Variants in UST observed in about 807,000 individuals in gnomAD.
UST encodes uronyl 2-sulfotransferase, also known as chondroitin sulfate 2-O-sulfotransferase.
A neutral mutation model predicts 45.6 loss-of-function variants in UST; 21 were observed. The ratio of observed to expected loss-of-function variants is 0.46; its 90% CI spans 0.33 to 0.66. The LOEUF is 0.66. Among genes scored for constraint, UST ranks in the 30% least tolerant of loss-of-function variants. UST has a pLI of 0.02. For missense variants in UST, 463 were observed against 512.4 expected, an observed-to-expected ratio of 0.90 and a Z score of 0.93; for synonymous variants, 215 against 200.6, an observed-to-expected ratio of 1.07 and a Z score of -0.61.
At chr6:148,885,055 A>C (rs1419611352) in intron 1 of UST, among the ~76,000 whole-genome samples, 1 of 152,160 alleles carries the variant, frequency 6.6e-6, no homozygotes. Context: ...GCCTTTAGAC[A>C]TCCAAGCTGA....
intron 3 of UST, among the ~76,000 whole-genome samples, chr6:148,953,554 G>T (rs570620158): frequency 6.6e-6 from 1 of 152,082 alleles, no homozygotes; most frequent in Non-Finnish European, 1.5e-5. Flanking sequence ...AGGCCGAGGC[G>T]GGCGGATCAC....
At chr6:148,785,701 G>C (rs1414839241) in intron 1 of UST, among the ~76,000 whole-genome samples, 2 of 152,152 alleles carry the variant, frequency 1.3e-5, no homozygotes, top group Non-Finnish European at 2.9e-5. Context: ...GTTTGGATGA[G>C]ATTTCAAGAT....
At chr6:149,072,111 T>C (rs754257762) in intron 7 of UST, among the ~76,000 whole-genome samples, 1 of 152,216 alleles carries the variant, frequency 6.6e-6, no homozygotes, top group Non-Finnish European at 1.5e-5. Flanking sequence ...GAATGTAAAA[T>C]GGTGCAAACA....
At chr6:149,015,599 T>C (rs1233081287) in intron 5 of UST, among the ~76,000 whole-genome samples, 2 of 152,084 alleles carry the variant, frequency 1.3e-5, no homozygotes, top group Non-Finnish European at 2.9e-5. Flanking sequence ...TAAACAAAAG[T>C]TTGAAATCCA....
At chr6:148,976,904 G>C (rs1034315372) in intron 5 of UST, among the ~76,000 whole-genome samples, 2 of 151,910 alleles carry the variant, frequency 1.3e-5, no homozygotes, top group African/African-American at 4.8e-5. Context: ...TATGGCTTCT[G>C]AGTTTTGTGT....
At chr6:148,797,639 C>T (rs1185067140) in intron 1 of UST, among the ~76,000 whole-genome samples, 3 of 151,980 alleles carry the variant, frequency 2.0e-5, no homozygotes, top group Non-Finnish European at 2.9e-5. Flanking sequence ...ATGTATCCTT[C>T]GAATGTTGTG....
At chr6:148,850,989 T>C (rs1312626032) in intron 1 of UST, among the ~76,000 whole-genome samples, 1 of 152,136 alleles carries the variant, frequency 6.6e-6, no homozygotes, top group African/African-American at 2.4e-5. Flanking sequence ...ACTCCCCATA[T>C]CATTCAGAAT....
chr6:148,818,727 A>T (rs911618935), intron 1 of UST, among the ~76,000 whole-genome samples: 3 of 152,238 alleles, frequency 2.0e-5, no homozygotes, highest in African/African-American at 4.8e-5. Context: ...TGAGGACAGG[A>T]TTATGTTGTT....
intron 2 of UST, among the ~76,000 whole-genome samples, chr6:148,888,786 G>T (rs1331894388): frequency 6.6e-6 from 1 of 152,162 alleles, no homozygotes; most frequent in Non-Finnish European, 1.5e-5. Context: ...GATGCTGCAG[G>T]TGGTAGAAAT....
At chr6:148,958,989 T>G (rs1252159643) in intron 4 of UST, 2 of 152,308 alleles carry the variant, frequency 1.3e-5, no homozygotes, top group Non-Finnish European at 2.9e-5. Flanking sequence ...TTCCTTTGCT[T>G]CCATTTCTGT....
In UST at chr6:148,842,151, A is replaced by G. The variant is rs73001113; in HGVS notation, c.248-44835A>G. On this transcript the variant is annotated intron_variant, in intron 1 of 7. Transcript: ENST00000367463. ...TCAAAAGGGCCTCCCAGAGCAGCAC[A>G]TAGTGTTTTTGCTGTCATTCTTAGG... is the stretch of plus-strand genomic sequence containing the variant. Among the ~76,000 whole-genome samples the G allele has an allele frequency of 9.2e-3, 1,404 of 152,282 alleles. 18 individuals carry two copies. The highest frequency in any genetic ancestry group is 0.032 in the African/African-American group (1,315 of 41,552).
chr6:148,922,077 T>G (rs1779718607), intron 2 of UST, among the ~76,000 whole-genome samples: 1 of 152,232 alleles, frequency 6.6e-6, no homozygotes, highest in African/African-American at 2.4e-5. Flanking sequence ...TGTACACTAT[T>G]GTTTTCAAAA....
At chr6:148,871,656 A>G (rs1778562296) in intron 1 of UST, among the ~76,000 whole-genome samples, 1 of 152,266 alleles carries the variant, frequency 6.6e-6, no homozygotes, top group Non-Finnish European at 1.5e-5. Flanking sequence ...CCACAGCCAC[A>G]TGCAGGACAC....
At chr6:148,880,577 G>A (rs748328624) in intron 1 of UST, among the ~76,000 whole-genome samples, 65 of 152,296 alleles carry the variant, frequency 4.3e-4, no homozygotes, top group East Asian at 1.2e-3. Context: ...TGGATGTAAC[G>A]CCTTTGTACC....
intron 7 of UST, among the ~76,000 whole-genome samples, chr6:149,033,329 A>G (rs953541303): frequency 6.6e-6 from 1 of 152,186 alleles, no homozygotes; most frequent in Non-Finnish European, 1.5e-5. Context: ...GCATGACTCA[A>G]CATTTTATAA....
At chr6:148,887,387 T>C (rs1209906961) in intron 2 of UST, among the ~76,000 whole-genome samples, 2 of 152,206 alleles carry the variant, frequency 1.3e-5, no homozygotes, top group Admixed American at 6.5e-5. Flanking sequence ...CCTTCGGGCT[T>C]TGGGGCTAGA....
intron 1 of UST, among the ~76,000 whole-genome samples, chr6:148,880,219 T>C (rs1007122362): frequency 1.3e-5 from 2 of 152,220 alleles, no homozygotes; most frequent in African/African-American, 4.8e-5. Flanking sequence ...CTTCTCAAAG[T>C]GCTGGGATTA....
At chr6:148,946,139 C>G (rs1780230507) in intron 3 of UST, among the ~76,000 whole-genome samples, 1 of 152,088 alleles carries the variant, frequency 6.6e-6, no homozygotes. Flanking sequence ...CCCAACTCAC[C>G]TAAAAAAATC....
At chr6:148,811,152 G>C (rs1447609630) in intron 1 of UST, among the ~76,000 whole-genome samples, 1 of 152,052 alleles carries the variant, frequency 6.6e-6, no homozygotes, top group South Asian at 2.1e-4. Context: ...CTATGGGTCA[G>C]CTGGGCAGTT....
Sources: allele counts gnomAD v4.1 joint callset (sites outside exome capture counted in the v4.1 genomes callset), GRCh38; gene constraint gnomAD v4.1.1; transcripts MANE v1.5; gene names NCBI Gene and HGNC (gene_info 2026-07-23, HGNC 2026-07-21).